The following CARF variants were observed in gnomAD, a reference collection of about 807,000 sequenced individuals.
CARF encodes the protein calcium-responsive transcription factor.
CARF carries 57 observed loss-of-function variants against 82.0 expected under a neutral mutation model. The observed-to-expected ratio is 0.70, with a 90% CI of 0.56 to 0.87. The LOEUF is 0.87. Ranked by LOEUF, CARF falls within the 40% of genes least tolerant of loss-of-function variation. The pLI is 0.00. For missense variants in CARF, 771 were observed against 855.8 expected, an observed-to-expected ratio of 0.90 and a Z score of 1.24; for synonymous variants, 268 against 290.1, an observed-to-expected ratio of 0.92 and a Z score of 0.77.
chr2:202,971,696 C>A lies in CARF; in HGVS notation c.1289C>A (p.Ser430Ter). The change falls in exon 12 of 17, where the codon TCA becomes TAA. Residue 430 changes from serine to a stop codon, truncating the protein, a stop_gained. Coordinates refer to ENST00000438828, the MANE Select transcript of CARF (RefSeq NM_024744.17). LOFTEE classifies it high-confidence loss of function. The part of the protein sequence containing the change: ...QVAHKIQELV[S>*]QGIEQVYAVR... The stretch of plus-strand genomic sequence containing the variant: ...GCACATAAGATTCAAGAATTAGTAT[C>A]ACAGGGAATAGAACAAGTGTATGCA... 6.2e-7 allele frequency: 1 copy of A among 1,613,390 alleles called. No individual in the cohort carries two copies. Among genetic ancestry groups the A allele is most frequent in the Non-Finnish European group, 8.5e-7 (1 of 1,179,586 alleles).
At chr2:202,915,495 G>A (rs1689464231) in intron 1 of CARF, among the ~76,000 whole-genome samples, 1 of 151,988 alleles carries the variant, frequency 6.6e-6, no homozygotes, top group South Asian at 2.1e-4. Flanking sequence ...TTTTGAGATG[G>A]AGTCTGGCTC....
intron 3 of CARF, among the ~76,000 whole-genome samples, chr2:202,926,972 C>T (rs571027735): frequency 6.6e-6 from 1 of 152,230 alleles, no homozygotes; most frequent in African/African-American, 2.4e-5. Flanking sequence ...CACCACCATG[C>T]CCAGCTAATT....
chr2:202,946,655 C>G (rs939043201), intron 5 of CARF, among the ~76,000 whole-genome samples: 2 of 152,150 alleles, frequency 1.3e-5, no homozygotes, highest in African/African-American at 4.8e-5. Flanking sequence ...CAAATGGGAT[C>G]TAATTAAAGA....
chr2:202,954,128 T>C lies in CARF; in HGVS notation c.551T>C (p.Val184Ala). 6.2e-7 allele frequency: 1 copy of C among 1,612,384 alleles called. No homozygotes were observed. The highest frequency in any genetic ancestry group is 8.5e-7 in the Non-Finnish European group (1 of 1,179,394). Residue 184 changes from valine (V) to alanine (A), a missense_variant, in exon 7 of 17, where the codon GTG becomes GCG. Coordinates refer to ENST00000438828, the MANE Select transcript of CARF (RefSeq NM_024744.17). ...TCCTTCCCATTGCCCAAAAAGTCAG[T>C]GACCGGGTGAGTCCACGGGAAAGAG... ...QTSFPLPKKS[V>A]TGMLEEPLLG...
chr2:202,971,022 T>G (rs1461081149), intron 11 of CARF, among the ~76,000 whole-genome samples: 1 of 152,080 alleles, frequency 6.6e-6, no homozygotes, highest in Non-Finnish European at 1.5e-5. Flanking sequence ...GGTTCTATCT[T>G]TGGTTGGAAG....
In CARF at chr2:202,981,453, A is replaced by T. The variant is rs557733030; in HGVS notation, c.1559-102A>T. The T allele has an allele frequency of 4.0e-5, 35 of 875,608 alleles. No homozygotes were observed. In the Admixed American group the frequency reaches 7.6e-4, roughly 19 times the overall value. 54.2% of individuals were successfully genotyped at this position (875,608 alleles called of 1,614,324 possible). ...AAGTCCTTTGCAAAACTTTGAAAGT[A>T]TTTCCTATTTTAGTTCTGACAGAAA... On this transcript the variant is annotated intron_variant, in intron 14 of 16. Coordinates refer to ENST00000438828, the MANE Select transcript of CARF (RefSeq NM_024744.17).
At chr2:202,962,785 G>A (rs2059377109) in intron 9 of CARF, 2 of 151,904 alleles carry the variant, frequency 1.3e-5, no homozygotes, top group South Asian at 4.2e-4. Flanking sequence ...ATAAATCCTA[G>A]TTAATCCAAT....
Position 202,981,480 on chromosome 2 carries a change from G to T in CARF, c.1559-75G>T, listed in dbSNP as rs998859956. 9.9e-5 allele frequency: 105 copies of T among 1,060,186 alleles called. No homozygotes were observed. The East Asian group carries it at 2.7e-3, about 27-fold the overall frequency. 65.7% of individuals were successfully genotyped at this position (1,060,186 alleles called of 1,614,324 possible). A position where few individuals can be genotyped will look rare whatever the true frequency, so the allele number is the denominator to read the frequency against. ...TTCCTATTTTAGTTCTGACAGAAAG[G>T]GTTGTAATAAAGTATTTTTATGACT... On this transcript the variant is annotated intron_variant, in intron 14 of 16. Transcript: ENST00000438828.
At chr2:202,980,167 AG>A (rs2060189436) in intron 14 of CARF, among the ~76,000 whole-genome samples, 1 of 152,150 alleles carries the variant, frequency 6.6e-6, no homozygotes, top group Non-Finnish European at 1.5e-5. Context: ...CGTGTTGCCC[AG>A]GCTGGTCTCA....
rs535142053 is a variant in CARF, at chr2:202,983,577, A to G, written c.2131A>G (p.Met711Val). ...KQEPKEPALSMEAKKTVDYKK... is the reference protein window; with the variant it reads ...KQEPKEPALSVEAKKTVDYKK... ...AGAACCCAAAGAACCAGCATTGTCT[A>G]TGGAAGCAAAAAAAACTGTGGACTA... Residue 711 changes from methionine (M) to valine (V), a missense_variant, in exon 17 of 17, where the codon ATG (methionine) becomes GTG (valine). Physicochemically the swap from Met to Val is conservative, Grantham distance 21. Coordinates refer to ENST00000438828, the MANE Select transcript of CARF (RefSeq NM_024744.17). The G allele has an allele frequency of 6.2e-6, 10 of 1,611,996 alleles. No individual in the cohort carries two copies. In the East Asian group the frequency reaches 6.7e-5, roughly 11 times the overall value.
chr2:202,931,280 C>T (rs940675584), intron 3 of CARF, among the ~76,000 whole-genome samples: 2 of 152,126 alleles, frequency 1.3e-5, no homozygotes, highest in African/African-American at 2.4e-5. Flanking sequence ...CCATGACTTT[C>T]TTCATAAACT....
chr2:202,943,631 T>A (rs61347726), intron 5 of CARF, among the ~76,000 whole-genome samples: 1 of 108,352 alleles, frequency 9.2e-6, no homozygotes, highest in Admixed American at 9.2e-5. Context: ...CACACACACA[T>A]ATTAGGCTAA....
At chr2:202,924,075 A>G (rs936908011) in intron 2 of CARF, among the ~76,000 whole-genome samples, 8 of 152,216 alleles carry the variant, frequency 5.3e-5, no homozygotes, top group African/African-American at 1.9e-4. Flanking sequence ...TGCTAGCTAT[A>G]TATCTTCTTT....
At chr2:202,950,644 T>G (rs1444470910) in intron 5 of CARF, among the ~76,000 whole-genome samples, 1 of 152,210 alleles carries the variant, frequency 6.6e-6, no homozygotes, top group African/African-American at 2.4e-5. Context: ...GTTTCAATTA[T>G]AGCCTACCAC....
Position 202,983,897 on chromosome 2 carries a change from T to C in CARF, c.*273T>C, listed in dbSNP as rs1056892789. The C allele has an allele frequency of 3.1e-6, 1 of 319,726 alleles. No homozygotes were observed. The highest frequency in any genetic ancestry group is 2.2e-5 in the African/African-American group (1 of 45,440). The allele number at this position is 319,726 out of a possible 1,614,324, so 19.8% of individuals were successfully genotyped here. A position where few individuals can be genotyped will look rare whatever the true frequency, so the allele number is the denominator to read the frequency against. On this transcript the variant is annotated 3_prime_UTR_variant, in exon 17 of 17. Transcript: ENST00000438828. ...GCTGTTCTGAATTTATCCACAGTAATATAGTCTGAACACAAATAGTTTACT... is the reference window on the plus strand; with the variant it reads ...GCTGTTCTGAATTTATCCACAGTAACATAGTCTGAACACAAATAGTTTACT...
chr2:202,938,818 G>T (rs1450440281), intron 3 of CARF, among the ~76,000 whole-genome samples: 2 of 151,826 alleles, frequency 1.3e-5, no homozygotes, highest in Non-Finnish European at 2.9e-5. Context: ...GGGCTCAAGC[G>T]ATCCACTCTC....
chr2:202,958,903 C>CAA (rs36028794), intron 8 of CARF, among the ~76,000 whole-genome samples: 1,520 of 88,796 alleles, frequency 0.017, 26 homozygotes, highest in African/African-American at 0.033. Flanking sequence ...GACTCCGTCT[C>CAA]AAAAAAAAAA....
rs1053985890 is a variant in CARF at position 202,918,028 on chromosome 2, G to A, written c.-178G>A. The A allele has an allele frequency of 4.4e-6, 2 of 451,502 alleles. No homozygotes were observed. The highest frequency in any genetic ancestry group is 3.3e-4 in the Middle Eastern group (1 of 3,070). The allele number at this position is 451,502 out of a possible 1,614,324, so 28.0% of individuals were successfully genotyped here. ...TGCTTGAGGCCTGGAATTTAAACCT[G>A]AGCCACTATCTGAAGGTAATTTTTT... On this transcript the variant is annotated 5_prime_UTR_variant, in exon 2 of 17. Coordinates refer to ENST00000438828, the MANE Select transcript of CARF (RefSeq NM_024744.17).
intron 1 of CARF, among the ~76,000 whole-genome samples, 153 bp from the exon 2 acceptor site, chr2:202,917,724 C>T (rs918420747): frequency 6.6e-6 from 1 of 152,166 alleles, no homozygotes; most frequent in African/African-American, 2.4e-5. Context: ...TAAAGTCAGT[C>T]CTCATCTTTA....
Sources: gnomAD v4.1 joint callset for allele counts (sites outside exome capture counted in the v4.1 genomes callset) on GRCh38, gnomAD v4.1.1 for gene constraint, MANE v1.5 for transcripts, NCBI Gene and HGNC (gene_info 2026-07-23, HGNC 2026-07-21) for gene names.